Variants in PRRC2B observed in about 807,000 individuals in gnomAD.
PRRC2B encodes proline rich coiled-coil 2B, also known as protein PRRC2B.
Under a neutral mutation model 242.3 loss-of-function variants are expected in PRRC2B, and 68 were observed. That is an observed-to-expected ratio of 0.28 (90% CI 0.23 to 0.34). PRRC2B has a LOEUF of 0.34. PRRC2B is among the 10% of genes least tolerant of loss of function. The pLI, the probability that PRRC2B is intolerant of heterozygous loss-of-function variation, is 1.00. For synonymous variants in PRRC2B, 1,228 were observed against 1,173.6 expected (o/e 1.05, Z -0.95); for missense variants, 2,835 against 2,954.8 (o/e 0.96, Z 0.94).
chr9:131,420,131 C>CT (rs1156498334), intron 1 of PRRC2B, among the ~76,000 whole-genome samples: 1 of 152,102 alleles, frequency 6.6e-6, no homozygotes, highest in Non-Finnish European at 1.5e-5. Context: ...TATATGCTGT[C>CT]TCCTTGGGGT....
intron 1 of PRRC2B, among the ~76,000 whole-genome samples, chr9:131,408,346 G>A (rs1479691537): frequency 1.3e-5 from 2 of 152,238 alleles, no homozygotes; most frequent in Non-Finnish European, 2.9e-5. Flanking sequence ...ACATGTACTG[G>A]AGTGTTGGTT....
At chr9:131,386,789 G>A (rs998619474) in intron 1 of PRRC2B, among the ~76,000 whole-genome samples, 1 of 149,496 alleles carries the variant, frequency 6.7e-6, no homozygotes, top group Non-Finnish European at 1.5e-5. Context: ...TTCTCTTAGA[G>A]GGACAGAACT....
chr9:131,441,881 C>T (rs1838592636), intron 5 of PRRC2B, among the ~76,000 whole-genome samples: 1 of 152,156 alleles, frequency 6.6e-6, no homozygotes, highest in Non-Finnish European at 1.5e-5. Flanking sequence ...GGAAGAAGCC[C>T]CCTGACTTTC....
upstream of PRRC2B, among the ~76,000 whole-genome samples, chr9:131,393,770 C>G (rs1836949697): frequency 6.6e-6 from 1 of 151,096 alleles, no homozygotes; most frequent in Non-Finnish European, 1.5e-5. Context: ...GGCCCCTTCT[C>G]TTGGCTCCTG....
rs1017457690 is a variant in PRRC2B, at chr9:131,429,947, A to T, written c.-51-147A>T. 4.2e-5 allele frequency: 24 copies of T among 574,252 alleles called. 1 individual carries two copies. The highest frequency in any genetic ancestry group is 3.9e-4 in the African/African-American group (21 of 53,184). 35.6% of individuals were successfully genotyped at this position (574,252 alleles called of 1,614,324 possible). A position where few individuals can be genotyped will look rare whatever the true frequency, so the allele number is the denominator to read the frequency against. On this transcript the variant is annotated intron_variant, in intron 1 of 31. Coordinates refer to ENST00000683519, the MANE Select transcript of PRRC2B (RefSeq NM_013318.4). ...TGTGGGTGGTGAGAGCAGTTTTCTAAGGACAGTCCAAAGCCATCTTCAGAT... is the reference window on the plus strand; with the variant it reads ...TGTGGGTGGTGAGAGCAGTTTTCTATGGACAGTCCAAAGCCATCTTCAGAT...
Position 131,455,061 on chromosome 9 carries a change from C to T in PRRC2B, c.1121-15C>T, listed in dbSNP as rs1363562609. 3 of 1,602,054 alleles carry T rather than the reference C, an allele frequency of 1.9e-6. No homozygotes were observed. Among genetic ancestry groups the T allele is most frequent in the African/African-American group, 2.7e-5 (2 of 74,736 alleles). On this transcript the variant is annotated splice_polypyrimidine_tract_variant and intron_variant, in intron 9 of 31. Transcript: ENST00000683519. ...CATTCTTTCTCATTCTTCCTGGGCCCTCCTGCTGTTGTAGGCCTCCATGAA... is the reference window on the plus strand; with the variant it reads ...CATTCTTTCTCATTCTTCCTGGGCCTTCCTGCTGTTGTAGGCCTCCATGAA...
At position 131,494,091 on chromosome 9, in the gene PRRC2B, G is replaced by A. The variant is rs1944267150; in HGVS notation, c.6474-314G>A. On this transcript the variant is annotated intron_variant, in intron 30 of 31. Coordinates refer to ENST00000683519, the MANE Select transcript of PRRC2B (RefSeq NM_013318.4). The surrounding 1 kb of genome is among the most constrained non-coding windows in gnomAD (Gnocchi z 4.3). ...TGGTCCAGACCCTGAGACGGCCAGT[G>A]TCGCTTTCTGCACAGCAGGACAGCC... Among the ~76,000 whole-genome samples, 1 of 152,232 alleles carries A rather than the reference G, an allele frequency of 6.6e-6. No homozygotes were observed. The highest frequency in any genetic ancestry group is 1.5e-5 in the Non-Finnish European group (1 of 68,050).
intron 5 of PRRC2B, among the ~76,000 whole-genome samples, chr9:131,443,259 G>C (rs1369617457): frequency 6.6e-6 from 1 of 151,144 alleles, no homozygotes; most frequent in Admixed American, 6.6e-5. Context: ...TCAGCCTCCC[G>C]AGTAGCTGGG....
At position 131,427,381 on chromosome 9, in the gene PRRC2B, A is replaced by T. The variant is rs151336628; in HGVS notation, c.-51-2713A>T. Among the ~76,000 whole-genome samples the T allele has an allele frequency of 7.7e-3, 1,168 of 152,018 alleles. 20 individuals carry two copies. Among genetic ancestry groups the T allele is most frequent in the African/African-American group, 0.026 (1,084 of 41,438 alleles). The stretch of plus-strand genomic sequence containing the variant: ...AGTCTTGCTCTGTTGCCCAGGCTGG[A>T]GTGCAGTGGTGCGATCTCAGCTCAC... On this transcript the variant is annotated intron_variant, in intron 1 of 31. Coordinates refer to ENST00000683519, the MANE Select transcript of PRRC2B (RefSeq NM_013318.4).
chr9:131,474,209 A>G lies in PRRC2B; in HGVS notation c.2325-245A>G, dbSNP rs1304093643. On this transcript the variant is annotated intron_variant, in intron 15 of 31. Coordinates refer to ENST00000683519, the MANE Select transcript of PRRC2B (RefSeq NM_013318.4). ...GCCACGACAGTCTTCACTCTCAAGG[A>G]CTCCAGGGGCCACCGACCAATTCAT... 5.3e-5 allele frequency among the ~76,000 whole-genome samples: 8 copies of G among 151,416 alleles called. No individual in the cohort carries two copies. In the East Asian group the frequency reaches 1.4e-3, roughly 26 times the overall value.
At chr9:131,398,957 G>T (rs549641836) in intron 1 of PRRC2B, among the ~76,000 whole-genome samples, 1 of 151,914 alleles carries the variant, frequency 6.6e-6, no homozygotes, top group East Asian at 1.9e-4. Flanking sequence ...TAGCCTGGGC[G>T]ACAGAGTGAG....
At chr9:131,429,780 T>G (rs1838073866) in intron 1 of PRRC2B, among the ~76,000 whole-genome samples, 1 of 152,174 alleles carries the variant, frequency 6.6e-6, no homozygotes, top group South Asian at 2.1e-4. Flanking sequence ...TGTTGAAGTT[T>G]ACATGTCAGT....
At position 131,446,741 on chromosome 9, in the gene PRRC2B, G is replaced by T. The variant is rs907124033; in HGVS notation, c.855+99G>T. 1.5e-6 allele frequency: 2 copies of T among 1,375,952 alleles called. No individual in the cohort carries two copies. The highest frequency in any genetic ancestry group is 4.6e-5 in the East Asian group (2 of 43,288). 85.2% of individuals were successfully genotyped at this position (1,375,952 alleles called of 1,614,324 possible). ...ATGTCCCCCTTGGGGTCTCCTCTTG[G>T]CCCTGTTACCCTACTTCTGAGGCTT... On this transcript the variant is annotated intron_variant, in intron 7 of 31. Coordinates refer to ENST00000683519, the MANE Select transcript of PRRC2B (RefSeq NM_013318.4). The surrounding 1 kb of genome is among the most constrained non-coding windows in gnomAD (Gnocchi z 4.1).
rs563330976 is a variant in PRRC2B at position 131,420,065 on chromosome 9, C to T, written c.-51-10029C>T. ...GAGTGCTTCTTGTGTCCTCACCATA[C>T]GCCTCAATGCTTCTTTGTTTTTCCT... On this transcript the variant is annotated intron_variant, in intron 1 of 31. Coordinates refer to ENST00000683519, the MANE Select transcript of PRRC2B (RefSeq NM_013318.4). Among the ~76,000 whole-genome samples, 12 of 152,222 alleles carry T rather than the reference C, an allele frequency of 7.9e-5. No homozygotes were observed. In the South Asian group the frequency reaches 1.5e-3, roughly 18 times the overall value.
chr9:131,395,697 G>A (rs1837031532), intron 1 of PRRC2B, among the ~76,000 whole-genome samples: 1 of 152,208 alleles, frequency 6.6e-6, no homozygotes, highest in Non-Finnish European at 1.5e-5. Context: ...GCCCATGGAT[G>A]CCACAGGTGC....
intron 1 of PRRC2B, among the ~76,000 whole-genome samples, chr9:131,412,995 A>G (rs1173020466): frequency 6.6e-6 from 1 of 152,184 alleles, no homozygotes; most frequent in Non-Finnish European, 1.5e-5. Flanking sequence ...CTAATTAGGA[A>G]TAAATAGTAA....
rs1564287280 is a variant in PRRC2B, at chr9:131,448,548, A to AAAAAAAAAAAAAAAAC, written c.1120+759_1120+760insCAAAAAAAAAAAAAAA. On this transcript the variant is annotated intron_variant, in intron 9 of 31. Transcript: ENST00000683519. ...GACAGAGGGAGACACTGTCTCAAAA[A>AAAAAAAAAAAAAAAAC]AAAAAAAAAAAAAAAAAAAAAAGGA... Among the ~76,000 whole-genome samples, 607 of 83,162 alleles carry AAAAAAAAAAAAAAAAC rather than the reference A, an allele frequency of 7.3e-3. 74 individuals are homozygous for AAAAAAAAAAAAAAAAC. Among genetic ancestry groups the AAAAAAAAAAAAAAAAC allele is most frequent in the Non-Finnish European group, 0.012 (490 of 40,468 alleles). The allele number at this position is 83,162 out of a possible 152,430, so 54.6% of individuals were successfully genotyped here. A position where few individuals can be genotyped will look rare whatever the true frequency, so the allele number is the denominator to read the frequency against.
At chr9:131,422,040 T>G (rs570376125) in intron 1 of PRRC2B, among the ~76,000 whole-genome samples, 4 of 152,230 alleles carry the variant, frequency 2.6e-5, no homozygotes, top group East Asian at 1.9e-4. Flanking sequence ...TTTCTTTTCT[T>G]TCTTTCTTTT....
intron 6 of PRRC2B, among the ~76,000 whole-genome samples, chr9:131,445,917 G>A (rs547401618): frequency 1.1e-4 from 17 of 152,348 alleles, no homozygotes; most frequent in African/African-American, 3.8e-4. Context: ...CAGCAGCTGC[G>A]CCTTGCCTGT....
Sources: gnomAD v4.1 joint callset for allele counts (sites outside exome capture counted in the v4.1 genomes callset) on GRCh38, gnomAD v4.1.1 for gene constraint, Gnocchi (gnomAD v3.1) non-coding constraint, MANE v1.5 for transcripts, NCBI Gene and HGNC (gene_info 2026-07-23, HGNC 2026-07-21) for gene names.